The following C1GALT1 variants were observed in gnomAD, a reference collection of about 807,000 sequenced individuals.
C1GALT1 encodes core 1 synthase, glycoprotein-N-acetylgalactosamine 3-beta-galactosyltransferase 1.
In C1GALT1, 11 loss-of-function variants were observed where a neutral mutation model predicts 31.0. The ratio of observed to expected loss-of-function variants is 0.36; its 90% CI spans 0.22 to 0.59. The LOEUF is 0.59. C1GALT1 is among the 20% of genes least tolerant of loss of function. The pLI is 0.79. For synonymous variants in C1GALT1, 175 were observed against 143.6 expected (o/e 1.22, Z -1.56); for missense variants, 424 against 425.2 (o/e 1.00, Z 0.03).
rs563144869 is a variant in C1GALT1 at position 7,174,623 on chromosome 7, C to G, written c.-18+17197C>G. 3.3e-5 allele frequency among the ~76,000 whole-genome samples: 5 copies of G among 152,118 alleles called. No individual in the cohort carries two copies. In the South Asian group the frequency reaches 1.0e-3, roughly 32 times the overall value. On this transcript the variant is annotated intron_variant, in intron 2 of 3. Coordinates refer to the C1GALT1 transcript ENST00000429911. ...AGTAGCTATACCATTTGCATTCCAA[C>G]AACAAATGAAAATTTCTTCATTCTT...
At chr7:7,188,922 A>G (rs1435136572) in intron 1 of C1GALT1, among the ~76,000 whole-genome samples, 4 of 152,200 alleles carry the variant, frequency 2.6e-5, no homozygotes, top group African/African-American at 9.6e-5. Context: ...GCATTACCCA[A>G]CGATACGAAA....
intron 2 of C1GALT1, among the ~76,000 whole-genome samples, chr7:7,170,788 AAC>A (rs1354703804): frequency 1.3e-5 from 2 of 152,206 alleles, no homozygotes; most frequent in African/African-American, 4.8e-5. Context: ...TCTCCAAACA[AAC>A]AAACAAAAAC....
Position 7,243,709 on chromosome 7 carries a change from G to T in C1GALT1, c.1074G>T (p.Val358=). The change falls in exon 4 of 4, where the codon GTG becomes GTT. Residue 358 remains valine, a synonymous_variant. Transcript: ENST00000436587. The part of the protein sequence containing the change: ...SQANKNEDTK[V]KLGNP ...CAAACAAAAATGAAGATACAAAAGT[G>T]AAGTTAGGAAATCCTTGAAAGAAAA... is the stretch of plus-strand genomic sequence containing the variant. The T allele has an allele frequency of 1.2e-6, 2 of 1,603,404 alleles. No individual in the cohort carries two copies. The highest frequency in any genetic ancestry group is 1.1e-5 in the South Asian group (1 of 89,762).
intron 2 of C1GALT1, among the ~76,000 whole-genome samples, chr7:7,174,385 C>T (rs147801086): frequency 4.6e-5 from 7 of 152,300 alleles, no homozygotes; most frequent in Non-Finnish European, 7.4e-5. Context: ...TAAATAACAA[C>T]GAGCCCAACT....
At chr7:7,219,415 TA>T (rs34103519) in intron 1 of C1GALT1, among the ~76,000 whole-genome samples, 78,041 of 151,896 alleles carry the variant, frequency 0.51, 21,105 homozygotes, top group East Asian at 0.71. Flanking sequence ...GGAATGTTGA[TA>T]ACAGGAAGCT....
At chr7:7,194,165 T>G (rs113980885) in intron 1 of C1GALT1, among the ~76,000 whole-genome samples, 4,686 of 152,176 alleles carry the variant, frequency 0.031, 157 homozygotes, top group African/African-American at 0.084. Flanking sequence ...TGCCCTTTAT[T>G]TCCTTGTCTT....
rs1299196511 is a variant in C1GALT1 at position 7,247,947 on chromosome 7, AAATT to A, written c.*4225_*4228del. 3 of 152,038 alleles carry A rather than the reference AAATT, an allele frequency of 2.0e-5. No individual in the cohort carries two copies. The highest frequency in any genetic ancestry group is 4.4e-5 in the Non-Finnish European group (3 of 67,914). The allele number at this position is 152,038 out of a possible 1,614,324, so 9.4% of individuals were successfully genotyped here. On this transcript the variant is annotated 3_prime_UTR_variant, in exon 4 of 4. Transcript: ENST00000436587. Reference sequence around the variant, plus strand: ...GCCCTACTTAAAAATCTATAATTTAAAATTAATTCTATGTCTACAATTATTAAAG... The same window carrying A: ...GCCCTACTTAAAAATCTATAATTTAAAATTCTATGTCTACAATTATTAAAG...
At chr7:7,171,086 G>C (rs1780448987) in intron 2 of C1GALT1, among the ~76,000 whole-genome samples, 2 of 138,902 alleles carry the variant, frequency 1.4e-5, no homozygotes, top group African/African-American at 5.2e-5. Flanking sequence ...GTATTCTGCT[G>C]TTATTGGGTA....
At chr7:7,160,175 G>A (rs753951997) in intron 2 of C1GALT1, among the ~76,000 whole-genome samples, 6 of 151,978 alleles carry the variant, frequency 3.9e-5, no homozygotes, top group Non-Finnish European at 8.8e-5. Context: ...TTGGGTACAC[G>A]TTCCAATAGC....
At chr7:7,241,474 T>C (rs1480582275) in intron 3 of C1GALT1, among the ~76,000 whole-genome samples, 1 of 152,046 alleles carries the variant, frequency 6.6e-6, no homozygotes, top group East Asian at 1.9e-4. Flanking sequence ...TCTTTTTTTC[T>C]AAGTGTTTTG....
At chr7:7,195,257 A>G (rs2128233502) in intron 1 of C1GALT1, among the ~76,000 whole-genome samples, 1 of 152,158 alleles carries the variant, frequency 6.6e-6, no homozygotes, top group Middle Eastern at 3.4e-3. Context: ...CTTAAGGTGT[A>G]ACCTTAGATT....
chr7:7,203,057 G>T (rs1781586266), intron 1 of C1GALT1, among the ~76,000 whole-genome samples: 1 of 142,144 alleles, frequency 7.0e-6, no homozygotes, highest in Non-Finnish European at 1.5e-5. Flanking sequence ...CTTTGTATTT[G>T]CTTCTTTGCT....
intron 1 of C1GALT1, among the ~76,000 whole-genome samples, chr7:7,228,765 A>C (rs970734293): frequency 6.6e-6 from 1 of 152,222 alleles, no homozygotes; most frequent in African/African-American, 2.4e-5. Flanking sequence ...GGCATCAGAC[A>C]GCATCACAAA....
chr7:7,211,725 CTACT>C (rs1782013427), intron 1 of C1GALT1, among the ~76,000 whole-genome samples: 1 of 152,152 alleles, frequency 6.6e-6, no homozygotes, highest in Non-Finnish European at 1.5e-5. Context: ...TATGGATACC[CTACT>C]TACTTTTATT....
In C1GALT1 at chr7:7,163,872, G is replaced by A. The variant is rs1170805130; in HGVS notation, c.-18+6446G>A. On this transcript the variant is annotated intron_variant, in intron 2 of 3. Coordinates refer to the C1GALT1 transcript ENST00000429911. ...CTCATGGGTAGGAAGAATCAATATC[G>A]TGAAAATGGCCATACTGCCCAAGGT... Among the ~76,000 whole-genome samples, 1,295 of 151,374 alleles carry A rather than the reference G, an allele frequency of 8.6e-3. 12 individuals carry two copies. The highest frequency in any genetic ancestry group is 0.029 in the African/African-American group (1,213 of 41,310).
chr7:7,210,118 A>G (rs1304801272), intron 1 of C1GALT1, among the ~76,000 whole-genome samples: 2 of 152,206 alleles, frequency 1.3e-5, no homozygotes, highest in Non-Finnish European at 2.9e-5. Flanking sequence ...CACAGGGGAT[A>G]TGATGGCTTA....
At chr7:7,205,889 C>T (rs1262816115) in intron 1 of C1GALT1, among the ~76,000 whole-genome samples, 1 of 152,068 alleles carries the variant, frequency 6.6e-6, no homozygotes, top group Non-Finnish European at 1.5e-5. Context: ...AGAGTTTAAC[C>T]ATTTACATTT....
Position 7,246,431 on chromosome 7 carries a change from A to G in C1GALT1, c.*2704A>G, listed in dbSNP as rs941480017. The G allele has an allele frequency of 6.6e-6, 1 of 152,178 alleles. No individual in the cohort carries two copies. 9.4% of individuals were successfully genotyped at this position (152,178 alleles called of 1,614,324 possible). On this transcript the variant is annotated 3_prime_UTR_variant, in exon 4 of 4. Coordinates refer to ENST00000436587, the MANE Select transcript of C1GALT1 (RefSeq NM_020156.5). The stretch of plus-strand genomic sequence containing the variant: ...AGCCAAATTGTCACAGTGATTCTTA[A>G]ACTGTGGTTCTCACACTTGCCCAGG...
chr7:7,219,081 G>A (rs890139522), intron 1 of C1GALT1, among the ~76,000 whole-genome samples: 9 of 151,884 alleles, frequency 5.9e-5, no homozygotes, highest in East Asian at 1.9e-4. Context: ...TTCGTGATCC[G>A]CCCGCCTCGG....
Sources: gnomAD v4.1 joint callset for allele counts (sites outside exome capture counted in the v4.1 genomes callset) on GRCh38, gnomAD v4.1.1 for gene constraint, MANE v1.5 for transcripts, NCBI Gene and HGNC (gene_info 2026-07-23, HGNC 2026-07-21) for gene names.